Variants in FLI1 observed in about 807,000 individuals in gnomAD.
FLI1 encodes Friend leukemia integration 1 transcription factor.
In FLI1, 13 loss-of-function variants were observed where a neutral mutation model predicts 53.1. The ratio of observed to expected loss-of-function variants is 0.24; its 90% CI spans 0.16 to 0.39. The LOEUF is 0.39. Ranked by LOEUF, FLI1 falls within the 10% of genes least tolerant of loss-of-function variation. The pLI is 1.00. For missense variants in FLI1, 424 were observed against 600.5 expected (o/e 0.71, Z 3.07); for synonymous variants, 244 against 236.7 (o/e 1.03, Z -0.28).
intron 5 of FLI1, among the ~76,000 whole-genome samples, chr11:128,790,759 A>G (rs1337790294): frequency 2.6e-5 from 4 of 152,240 alleles, no homozygotes; most frequent in African/African-American, 9.6e-5. Context: ...AATTTTGTGT[A>G]TGTAGGTTTT....
chr11:128,700,982 C>T (rs1257566219), intron 1 of FLI1, among the ~76,000 whole-genome samples: 1 of 152,202 alleles, frequency 6.6e-6, no homozygotes, highest in African/African-American at 2.4e-5. Context: ...ACAAATCCTT[C>T]GTACTCTCTT....
rs1311386972 is a variant in FLI1, at chr11:128,772,788, C to T, written c.392C>T (p.Thr131Ile). 1 of 1,613,944 alleles carries T rather than the reference C, an allele frequency of 6.2e-7. No homozygotes were observed. The highest frequency in any genetic ancestry group is 8.5e-7 in the Non-Finnish European group (1 of 1,179,788). ...ERRVIVPADPTLWTQEHVRQW... is the reference protein window; with the variant it reads ...ERRVIVPADPILWTQEHVRQW... ...AACGTCTTCTCCTCTGCAGACCCCA[C>T]ACTGTGGACACAGGAGCATGTGAGG... The change falls in exon 4 of 9, where the codon ACA becomes ATA. Residue 131 changes from threonine to isoleucine, a missense_variant. Transcript: ENST00000527786.
intron 1 of FLI1, among the ~76,000 whole-genome samples, chr11:128,722,612 A>G (rs1939300345): frequency 6.6e-6 from 1 of 152,252 alleles, no homozygotes; most frequent in African/African-American, 2.4e-5. Context: ...GGAAAGTGCA[A>G]CTATCTTCCA....
At chr11:128,697,064 G>A (rs755677572) in intron 1 of FLI1, among the ~76,000 whole-genome samples, 6 of 152,122 alleles carry the variant, frequency 3.9e-5, no homozygotes, top group Non-Finnish European at 8.8e-5. Context: ...CTGGAGCCAC[G>A]CTACTCTTTT....
At chr11:128,770,161 G>A (rs1252181224) in intron 3 of FLI1, among the ~76,000 whole-genome samples, 1 of 152,212 alleles carries the variant, frequency 6.6e-6, no homozygotes, top group Non-Finnish European at 1.5e-5. Flanking sequence ...AACTTTCTTT[G>A]ATCAGTGTTG....
intron 4 of FLI1, among the ~76,000 whole-genome samples, chr11:128,778,669 A>G (rs1490899367): frequency 3.3e-5 from 5 of 152,252 alleles, no homozygotes; most frequent in Non-Finnish European, 7.3e-5. Flanking sequence ...CACACCGTGC[A>G]TGTTCAGGGA....
At chr11:128,764,782 C>T in intron 2 of FLI1, 1 of 1,593,288 alleles carries the variant, frequency 6.3e-7, no homozygotes, top group South Asian at 1.1e-5. Flanking sequence ...TGCTTGGGAG[C>T]TGCAAGAATG....
chr11:128,758,303 G>A lies in FLI1; in HGVS notation c.207G>A (p.Glu69=). 1 of 1,613,434 alleles carries A rather than the reference G, an allele frequency of 6.2e-7. No individual in the cohort carries two copies. Among genetic ancestry groups the A allele is most frequent in the Non-Finnish European group, 8.5e-7 (1 of 1,179,636 alleles). ...NQPVRVNVKR[E]YDHMNGSRES... ...CAGTGAGGGTCAACGTCAAGCGGGA[G>A]TATGACCACATGAATGGATCCAGGT... Residue 69 remains glutamate, a synonymous_variant, in exon 2 of 9, where the codon GAG becomes GAA. Transcript: ENST00000527786.
At chr11:128,711,297 C>T (rs527588168) in intron 1 of FLI1, among the ~76,000 whole-genome samples, 22 of 152,294 alleles carry the variant, frequency 1.4e-4, no homozygotes, top group East Asian at 3.9e-4. Flanking sequence ...CATATTTACA[C>T]GGATTATTTT....
At chr11:128,795,366 C>T (rs1019954225) in intron 5 of FLI1, among the ~76,000 whole-genome samples, 2 of 152,102 alleles carry the variant, frequency 1.3e-5, no homozygotes, top group African/African-American at 4.8e-5. Context: ...TCTCCTGGCT[C>T]TTTTCTTCCA....
In FLI1 at chr11:128,694,106, G is replaced by T; in HGVS notation, c.-153G>T. 1.6e-6 allele frequency: 1 copy of T among 617,270 alleles called. No homozygotes were observed. Among genetic ancestry groups the T allele is most frequent in the Non-Finnish European group, 2.6e-6 (1 of 381,980 alleles). 38.2% of individuals were successfully genotyped at this position (617,270 alleles called of 1,614,324 possible). ...TCCGCTACAACAACAAACGTGCACA[G>T]GGGAGTGAGGGCAGGGCGCTCGCAG... On this transcript the variant is annotated 5_prime_UTR_variant, in exon 1 of 9. The change creates a new upstream start codon in the 5' untranslated region. Transcript: ENST00000527786.
At chr11:128,758,061 C>G (rs1363183619) in intron 1 of FLI1, 54 bp from the exon 2 acceptor site, 2 of 1,506,188 alleles carry the variant, frequency 1.3e-6, no homozygotes, top group Non-Finnish European at 1.8e-6. Flanking sequence ...AAGAGTGTCA[C>G]TTGCTTGGGT....
chr11:128,777,890 GT>G (rs1422694630), intron 4 of FLI1, among the ~76,000 whole-genome samples: 1 of 152,222 alleles, frequency 6.6e-6, no homozygotes, highest in African/African-American at 2.4e-5. Context: ...TTGAGGGAAT[GT>G]GAAGCAGCAG....
chr11:128,805,217 G>A (rs773899356), intron 5 of FLI1, 149 bp from the exon 6 acceptor site: 18 of 531,838 alleles, frequency 3.4e-5, no homozygotes, highest in South Asian at 8.5e-5. Flanking sequence ...CCAACCCCAG[G>A]GGGTGAGTAC....
intron 5 of FLI1, among the ~76,000 whole-genome samples, chr11:128,786,351 A>C (rs12806971): frequency 2.6e-5 from 4 of 152,196 alleles, no homozygotes; most frequent in Non-Finnish European, 4.4e-5. Flanking sequence ...AGACTGTACG[A>C]TCTTGATTAG....
At chr11:128,720,976 C>G (rs976791837) in intron 1 of FLI1, among the ~76,000 whole-genome samples, 5 of 152,188 alleles carry the variant, frequency 3.3e-5, no homozygotes, top group African/African-American at 1.2e-4. Flanking sequence ...CCGGCCCTTC[C>G]CCCTCCACCC....
In FLI1 at chr11:128,811,118, C is replaced by A; in HGVS notation, c.*130C>A. ...GATGTTCTTTCTTGTTGGATAGAAC[C>A]TTTGTATTTGTTCTTTAAAAACATT... On this transcript the variant is annotated 3_prime_UTR_variant, in exon 9 of 9. Transcript: ENST00000527786. 1.1e-6 allele frequency: 1 copy of A among 896,616 alleles called. No individual in the cohort carries two copies. Among genetic ancestry groups the A allele is most frequent in the Non-Finnish European group, 1.7e-6 (1 of 572,016 alleles). The allele number at this position is 896,616 out of a possible 1,614,324, so 55.5% of individuals were successfully genotyped here.
chr11:128,704,666 T>A (rs1938477036), intron 1 of FLI1, among the ~76,000 whole-genome samples: 1 of 152,202 alleles, frequency 6.6e-6, no homozygotes, highest in African/African-American at 2.4e-5. Context: ...TTTCTTCTTG[T>A]TAAAACAGGA....
At position 128,762,997 on chromosome 11, in the gene FLI1, A is replaced by G. The variant is rs114692756; in HGVS notation, c.230+4671A>G. On this transcript the variant is annotated intron_variant, in intron 2 of 8. Coordinates refer to ENST00000527786, the MANE Select transcript of FLI1 (RefSeq NM_002017.5). ...TATGTAGTTCGCACATGTGGTTCCC[A>G]TTCTACTTCTATTGGACAGTGCTGG... Among the ~76,000 whole-genome samples, 375 of 151,860 alleles carry G rather than the reference A, an allele frequency of 2.5e-3. 1 individual carries two copies. The highest frequency in any genetic ancestry group is 8.7e-3 in the African/African-American group (358 of 41,362).
Sources: allele counts gnomAD v4.1 joint callset (sites outside exome capture counted in the v4.1 genomes callset), GRCh38; gene constraint gnomAD v4.1.1; transcripts MANE v1.5; gene names NCBI Gene and HGNC (gene_info 2026-07-23, HGNC 2026-07-21).